Variants in EMC6 observed in about 807,000 individuals in gnomAD.
EMC6 encodes the protein transmembrane protein 93.
EMC6 carries 1 observed loss-of-function variant against 6.5 expected under a neutral mutation model. The observed-to-expected ratio is 0.15, with a 90% CI of 0.05 to 0.73. The LOEUF is 0.73. EMC6 is among the 30% of genes least tolerant of loss of function. The pLI is 0.78. For synonymous variants in EMC6, 96 were observed against 74.3 expected, an observed-to-expected ratio of 1.29 and a Z score of -1.50; for missense variants, 114 against 146.7, an observed-to-expected ratio of 0.78 and a Z score of 1.15.
chr17:3,669,324 G>T lies in EMC6; in HGVS notation c.178G>T (p.Val60Phe). The change falls in exon 2 of 2, where the codon GTC (valine) becomes TTC (phenylalanine). Residue 60 changes from valine to phenylalanine, a missense_variant. By Grantham distance (50) the Val-to-Phe change is conservative. Transcript: ENST00000248378. ...YGFIFYLLASVLLSLLLILKA... is the reference protein window; with the variant it reads ...YGFIFYLLASFLLSLLLILKA... ...CTTCATCTTCTACCTGCTCGCCTCC[G>T]TCCTGCTCTCCCTGCTCCTCATTCT... 6.2e-7 allele frequency: 1 copy of T among 1,614,172 alleles called. No homozygotes were observed. Among genetic ancestry groups the T allele is most frequent in the Non-Finnish European group, 8.5e-7 (1 of 1,180,036 alleles).
In EMC6 at chr17:3,669,200, C is replaced by T. The variant is rs748613530; in HGVS notation, c.54C>T (p.Ala18=). 8.2e-6 allele frequency: 13 copies of T among 1,589,970 alleles called. 1 individual carries two copies. The East Asian group carries it at 2.9e-4, about 36-fold the overall frequency. The change falls in exon 2 of 2, where the codon GCC becomes GCT. Residue 18 remains alanine (A), a synonymous_variant. Transcript: ENST00000248378. ...GGCCGCCGTTCATCAGCGAGGCGGCCGTGCGGGGCAACGCCGCCGTCCTGG... is the reference window on the plus strand; with the variant it reads ...GGCCGCCGTTCATCAGCGAGGCGGCTGTGCGGGGCAACGCCGCCGTCCTGG... ...REGPPFISEA[A]VRGNAAVLDY... is the part of the protein sequence containing the mutation.
Position 3,669,394 on chromosome 17 carries a change from C to T in EMC6, c.248C>T (p.Pro83Leu). The change falls in exon 2 of 2, where the codon CCT (proline) becomes CTT (leucine). Residue 83 changes from proline to leucine, a missense_variant. Transcript: ENST00000248378. ...AACAAATATTTCAAATCACGGAGACCTCTCTTTACAGGAGGCCTCATCGGG... is the reference window on the plus strand; with the variant it reads ...AACAAATATTTCAAATCACGGAGACTTCTCTTTACAGGAGGCCTCATCGGG... ...RWNKYFKSRR[P>L]LFTGGLIGGL... 1.9e-6 allele frequency: 3 copies of T among 1,614,102 alleles called. No homozygotes were observed. Among genetic ancestry groups the T allele is most frequent in the Non-Finnish European group, 2.5e-6 (3 of 1,180,044 alleles).
Position 3,668,996 on chromosome 17 carries a change from C to T in EMC6, c.-50+97C>T. ...CTCGGCGTCTTTGGAAGATCCGAGGCCCAGGACTGGTGCCAGGTCTCGGAA... is the reference window on the plus strand; with the variant it reads ...CTCGGCGTCTTTGGAAGATCCGAGGTCCAGGACTGGTGCCAGGTCTCGGAA... On this transcript the variant is annotated intron_variant, in intron 1 of 1. Coordinates refer to ENST00000248378, the MANE Select transcript of EMC6 (RefSeq NM_031298.4). The surrounding 1 kb of genome is among the most constrained non-coding windows in gnomAD (Gnocchi z 4.1). The T allele has an allele frequency of 2.7e-6, 2 of 732,386 alleles. No homozygotes were observed. The highest frequency in any genetic ancestry group is 2.0e-5 in the South Asian group (1 of 50,710). The allele number at this position is 732,386 out of a possible 1,614,324, so 45.4% of individuals were successfully genotyped here. A position where few individuals can be genotyped will look rare whatever the true frequency, so the allele number is the denominator to read the frequency against.
Position 3,669,257 on chromosome 17 carries a change from G to T in EMC6, c.111G>T (p.Ser37=), listed in dbSNP as rs765967889. 1 of 1,613,550 alleles carries T rather than the reference G, an allele frequency of 6.2e-7. No individual in the cohort carries two copies. Among genetic ancestry groups the T allele is most frequent in the African/African-American group, 1.3e-5 (1 of 75,068 alleles). Residue 37 remains serine (S), a synonymous_variant, in exon 2 of 2, where the codon TCG becomes TCT. Coordinates refer to ENST00000248378, the MANE Select transcript of EMC6 (RefSeq NM_031298.4). ...DYCRTSVSAL[S]GATAGILGLT... ...GCCGGACCTCGGTGTCAGCGCTGTC[G>T]GGGGCCACGGCCGGCATCCTCGGCC...
chr17:3,668,856 C>G lies in EMC6; in HGVS notation c.-93C>G. 1 of 519,624 alleles carries G rather than the reference C, an allele frequency of 1.9e-6. No homozygotes were observed. The highest frequency in any genetic ancestry group is 2.9e-5 in the South Asian group (1 of 34,876). 32.2% of individuals were successfully genotyped at this position (519,624 alleles called of 1,614,324 possible). A position where few individuals can be genotyped will look rare whatever the true frequency, so the allele number is the denominator to read the frequency against. On this transcript the variant is annotated 5_prime_UTR_variant, in exon 1 of 2. Transcript: ENST00000248378. This position sits in a 1 kb window ranked among gnomAD's most constrained non-coding sequence, Gnocchi z 4.1. ...CGCCGCGGGCATTTCTTCCACTGCC[C>G]GTCTGAGGGAACGCTAAGTAGTGTG... is the stretch of plus-strand genomic sequence containing the variant.
Position 3,669,115 on chromosome 17 carries a change from A to G in EMC6, c.-32A>G, listed in dbSNP as rs900376194. On this transcript the variant is annotated 5_prime_UTR_variant, in exon 2 of 2. Transcript: ENST00000248378. ...CTCCGCAGCTCCGCGTTGTTCCGCG[A>G]GAAAGCGAGAGGCCGAGCCCGGGCT... 2 of 1,463,526 alleles carry G rather than the reference A, an allele frequency of 1.4e-6. No homozygotes were observed. Among genetic ancestry groups the G allele is most frequent in the Admixed American group, 5.0e-5 (2 of 40,350 alleles). The allele number at this position is 1,463,526 out of a possible 1,614,324, so 90.7% of individuals were successfully genotyped here. A position where few individuals can be genotyped will look rare whatever the true frequency, so the allele number is the denominator to read the frequency against.
Position 3,669,383 on chromosome 17 carries a change from A to G in EMC6, c.237A>G (p.Lys79=), listed in dbSNP as rs2049978462. Residue 79 remains lysine, a synonymous_variant, in exon 2 of 2, where the codon AAA becomes AAG. Transcript: ENST00000248378. ...KAGRRWNKYF[K]SRRPLFTGGL... ...GAAGGAGGTGGAACAAATATTTCAA[A>G]TCACGGAGACCTCTCTTTACAGGAG... is the stretch of plus-strand genomic sequence containing the variant. The G allele has an allele frequency of 6.8e-6, 11 of 1,613,910 alleles. No individual in the cohort carries two copies. The highest frequency in any genetic ancestry group is 9.3e-6 in the Non-Finnish European group (11 of 1,180,022).
chr17:3,669,336 C>G lies in EMC6; in HGVS notation c.190C>G (p.Leu64Val), dbSNP rs139391495. ...CCTGCTCGCCTCCGTCCTGCTCTCC[C>G]TGCTCCTCATTCTCAAGGCGGGAAG... Reference protein sequence around the residue: ...FYLLASVLLSLLLILKAGRRW... With the variant: ...FYLLASVLLSVLLILKAGRRW... Residue 64 changes from leucine (L) to valine (V), a missense_variant, in exon 2 of 2, where the codon CTG (leucine) becomes GTG (valine). Transcript: ENST00000248378. 6.2e-7 allele frequency: 1 copy of G among 1,614,212 alleles called. No homozygotes were observed. The highest frequency in any genetic ancestry group is 8.5e-7 in the Non-Finnish European group (1 of 1,180,052).
intron 1 of EMC6, 25 bp from the exon 2 acceptor site, chr17:3,669,073 A>G (rs983186682): frequency 1.4e-6 from 2 of 1,395,534 alleles, no homozygotes; most frequent in Admixed American, 2.8e-5. Flanking sequence ...TCCGGGCGCC[A>G]CTTGTAACTT....
At position 3,669,308 on chromosome 17, in the gene EMC6, C is replaced by T; in HGVS notation, c.162C>T (p.Phe54=). 1 of 1,614,198 alleles carries T rather than the reference C, an allele frequency of 6.2e-7. No homozygotes were observed. The highest frequency in any genetic ancestry group is 1.1e-5 in the South Asian group (1 of 91,088). The part of the protein sequence containing the change: ...LGLTGLYGFI[F]YLLASVLLSL... ...TCACCGGCCTCTACGGCTTCATCTTCTACCTGCTCGCCTCCGTCCTGCTCT... is the reference window on the plus strand; with the variant it reads ...TCACCGGCCTCTACGGCTTCATCTTTTACCTGCTCGCCTCCGTCCTGCTCT... The change falls in exon 2 of 2, where the codon TTC becomes TTT. Residue 54 remains phenylalanine, a synonymous_variant. Coordinates refer to ENST00000248378, the MANE Select transcript of EMC6 (RefSeq NM_031298.4).
Position 3,669,187 on chromosome 17 carries a change from T to G in EMC6, c.41T>G (p.Ile14Ser). 6.4e-7 allele frequency: 1 copy of G among 1,573,804 alleles called. No individual in the cohort carries two copies. Among genetic ancestry groups the G allele is most frequent in the Non-Finnish European group, 8.6e-7 (1 of 1,159,326 alleles). Residue 14 changes from isoleucine to serine, a missense_variant, in exon 2 of 2, where the codon ATC becomes AGC. By Grantham distance (142) the Ile-to-Ser change is moderately radical (BLOSUM62 -2). Coordinates refer to ENST00000248378, the MANE Select transcript of EMC6 (RefSeq NM_031298.4). ...VVAKREGPPFISEAAVRGNAA... is the reference protein window; with the variant it reads ...VVAKREGPPFSSEAAVRGNAA... Reference sequence around the variant, plus strand: ...GCCAAGCGGGAAGGGCCGCCGTTCATCAGCGAGGCGGCCGTGCGGGGCAAC... The same window carrying G: ...GCCAAGCGGGAAGGGCCGCCGTTCAGCAGCGAGGCGGCCGTGCGGGGCAAC...
Position 3,669,311 on chromosome 17 carries a change from C to T in EMC6, c.165C>T (p.Tyr55=). The T allele has an allele frequency of 1.9e-6, 3 of 1,614,188 alleles. No individual in the cohort carries two copies. The highest frequency in any genetic ancestry group is 1.7e-6 in the Non-Finnish European group (2 of 1,180,040). The change falls in exon 2 of 2, where the codon TAC becomes TAT. Residue 55 remains tyrosine, a synonymous_variant. Coordinates refer to ENST00000248378, the MANE Select transcript of EMC6 (RefSeq NM_031298.4). The part of the protein sequence containing the change: ...GLTGLYGFIF[Y]LLASVLLSLL... ...CCGGCCTCTACGGCTTCATCTTCTACCTGCTCGCCTCCGTCCTGCTCTCCC... is the reference window on the plus strand; with the variant it reads ...CCGGCCTCTACGGCTTCATCTTCTATCTGCTCGCCTCCGTCCTGCTCTCCC...
rs750310953 is a variant in EMC6, at chr17:3,669,414, ATCGGGGGCCTC to A, written c.270_280del (p.Gly91HisfsTer26). On this transcript the variant is annotated frameshift_variant, in exon 2 of 2. Coordinates refer to ENST00000248378, the MANE Select transcript of EMC6 (RefSeq NM_031298.4). LOFTEE classifies it high-confidence loss of function. ...GAGACCTCTCTTTACAGGAGGCCTC[ATCGGGGGCCTC>A]TTCACCTACGTCCTGTTCTGGACGT... 6.2e-7 allele frequency: 1 copy of A among 1,613,942 alleles called. No homozygotes were observed. The highest frequency in any genetic ancestry group is 8.5e-7 in the Non-Finnish European group (1 of 1,180,002).
chr17:3,669,074 C>T, intron 1 of EMC6, 24 bp from the exon 2 acceptor site: 16 of 1,411,326 alleles, frequency 1.1e-5, no homozygotes, highest in Non-Finnish European at 1.5e-5. Context: ...CCGGGCGCCA[C>T]TTGTAACTTG....
chr17:3,668,875 T>C lies in EMC6; in HGVS notation c.-74T>C. 2 of 544,600 alleles carry C rather than the reference T, an allele frequency of 3.7e-6. No individual in the cohort carries two copies. Among genetic ancestry groups the C allele is most frequent in the East Asian group, 3.1e-5 (1 of 31,862 alleles). The allele number at this position is 544,600 out of a possible 1,614,324, so 33.7% of individuals were successfully genotyped here. A position where few individuals can be genotyped will look rare whatever the true frequency, so the allele number is the denominator to read the frequency against. On this transcript the variant is annotated 5_prime_UTR_variant, in exon 1 of 2. Transcript: ENST00000248378. The surrounding 1 kb of genome is among the most constrained non-coding windows in gnomAD (Gnocchi z 4.1). The stretch of plus-strand genomic sequence containing the variant: ...ACTGCCCGTCTGAGGGAACGCTAAG[T>C]AGTGTGTCCGGCGCCGTGTTCCAGG...
chr17:3,669,268 C>T lies in EMC6; in HGVS notation c.122C>T (p.Ala41Val). 1 of 1,613,896 alleles carries T rather than the reference C, an allele frequency of 6.2e-7. No individual in the cohort carries two copies. Among genetic ancestry groups the T allele is most frequent in the Non-Finnish European group, 8.5e-7 (1 of 1,180,018 alleles). The part of the protein sequence containing the change: ...TSVSALSGAT[A>V]GILGLTGLYG... ...GTGTCAGCGCTGTCGGGGGCCACGG[C>T]CGGCATCCTCGGCCTCACCGGCCTC... is the stretch of plus-strand genomic sequence containing the variant. The change falls in exon 2 of 2, where the codon GCC becomes GTC. Residue 41 changes from alanine to valine, a missense_variant. By Grantham distance (64) the Ala-to-Val change is moderately conservative. Coordinates refer to ENST00000248378, the MANE Select transcript of EMC6 (RefSeq NM_031298.4).
chr17:3,669,458 C>T lies in EMC6; in HGVS notation c.312C>T (p.Tyr104=), dbSNP rs200234014. Residue 104 remains tyrosine, a synonymous_variant, in exon 2 of 2, where the codon TAC becomes TAT. Transcript: ENST00000248378. ...FTYVLFWTFL[Y]GMVHVY ...ACGTCCTGTTCTGGACGTTCCTCTA[C>T]GGCATGGTGCACGTCTACTGAAATG... 27 of 1,610,272 alleles carry T rather than the reference C, an allele frequency of 1.7e-5. 1 individual carries two copies. The African/African-American group carries it at 1.9e-4, about 11-fold the overall frequency.
At chr17:3,669,067 G>C in intron 1 of EMC6, 31 bp from the exon 2 acceptor site, 1 of 1,367,590 alleles carries the variant, frequency 7.3e-7, no homozygotes, top group African/African-American at 1.5e-5. Context: ...CCGAGCTCCG[G>C]GCGCCACTTG....
rs891158156 is a variant in EMC6 at position 3,668,923 on chromosome 17, G to A, written c.-50+24G>A. ...AGGTAACTGGGCCACCGTGGCCGGGGAACGCAGACGCGCCACCACCTCCCG... is the reference window on the plus strand; with the variant it reads ...AGGTAACTGGGCCACCGTGGCCGGGAAACGCAGACGCGCCACCACCTCCCG... On this transcript the variant is annotated intron_variant, in intron 1 of 1. Coordinates refer to ENST00000248378, the MANE Select transcript of EMC6 (RefSeq NM_031298.4). The surrounding 1 kb of genome is among the most constrained non-coding windows in gnomAD (Gnocchi z 4.1). 45 of 564,856 alleles carry A rather than the reference G, an allele frequency of 8.0e-5. No individual in the cohort carries two copies. In the Admixed American group the frequency reaches 9.6e-4, roughly 12 times the overall value. The allele number at this position is 564,856 out of a possible 1,614,324, so 35.0% of individuals were successfully genotyped here. A position where few individuals can be genotyped will look rare whatever the true frequency, so the allele number is the denominator to read the frequency against.
Sources: gnomAD v4.1 joint callset for allele counts on GRCh38, gnomAD v4.1.1 for gene constraint, Gnocchi (gnomAD v3.1) non-coding constraint, MANE v1.5 for transcripts, NCBI Gene and HGNC (gene_info 2026-07-23, HGNC 2026-07-21) for gene names.